ZNF462: variants seen among roughly 807,000 people sequenced by gnomAD.
ZNF462 encodes the protein zinc finger protein 462.
ZNF462 carries 10 observed loss-of-function variants against 201.9 expected under a neutral mutation model. The ratio of observed to expected loss-of-function variants is 0.05; its 90% confidence interval spans 0.03 to 0.08. The LOEUF (loss-of-function observed/expected upper bound fraction) is 0.08, where lower values mean the gene tolerates loss of function less well. Among genes scored for constraint, ZNF462 ranks in the 10% least tolerant of loss-of-function variants. ZNF462 has a pLI of 1.00. For missense variants in ZNF462, 2,523 were observed against 3,168.3 expected (o/e 0.80, Z 4.89); for synonymous variants, 1,227 against 1,193.3 (o/e 1.03, Z -0.58).
chr9:106,932,139 A>C lies in ZNF462; in HGVS notation c.6013-307A>C. 6.4e-6 allele frequency: 9 copies of C among 1,414,916 alleles called. No individual in the cohort carries two copies. The highest frequency in any genetic ancestry group is 7.5e-6 in the Non-Finnish European group (8 of 1,063,144). 87.6% of individuals were successfully genotyped at this position (1,414,916 alleles called of 1,614,324 possible). ...CTAGGGGTAGCTGGAGAGGCAGGGGAGGAAGCTTTGACAAGAAGTGCTGTT... is the reference window on the plus strand; with the variant it reads ...CTAGGGGTAGCTGGAGAGGCAGGGGCGGAAGCTTTGACAAGAAGTGCTGTT... On this transcript the variant is annotated intron_variant, in intron 4 of 12. Coordinates refer to ENST00000277225, the MANE Select transcript of ZNF462 (RefSeq NM_021224.6). The surrounding 1 kb of genome is among the most constrained non-coding windows in gnomAD (Gnocchi z 6.8).
rs2130819347 is a variant in ZNF462, at chr9:106,870,135, TAGAA to T, written c.-31+6781_-31+6784del. On this transcript the variant is annotated intron_variant, in intron 1 of 12. Coordinates refer to ENST00000277225, the MANE Select transcript of ZNF462 (RefSeq NM_021224.6). The surrounding 1 kb of genome is among the most constrained non-coding windows in gnomAD (Gnocchi z 4.3). ...CACAAAGTTAATTATTTTCACGGCT[TAGAA>T]GGACAAAGGATAGAGTGGTGTGGTG... Among the ~76,000 whole-genome samples the T allele has an allele frequency of 6.6e-6, 1 of 152,338 alleles. No homozygotes were observed. Among genetic ancestry groups the T allele is most frequent in the South Asian group, 2.1e-4 (1 of 4,830 alleles).
intron 7 of ZNF462, among the ~76,000 whole-genome samples, chr9:106,955,850 T>G (rs1358435960): frequency 2.6e-5 from 4 of 152,182 alleles, no homozygotes; most frequent in African/African-American, 9.6e-5. Flanking sequence ...GCAAGTTTTA[T>G]CATGAGATTT....
At chr9:106,991,690 G>C (rs1828280754) in intron 10 of ZNF462, among the ~76,000 whole-genome samples, 1 of 151,852 alleles carries the variant, frequency 6.6e-6, no homozygotes, top group Non-Finnish European at 1.5e-5. Context: ...AGAAGCAAAA[G>C]TCAAGAAATA....
chr9:106,925,800 C>G lies in ZNF462; in HGVS notation c.1888C>G (p.Pro630Ala), dbSNP rs763197297. Reference protein sequence around the residue: ...QHKHSFCDNLPKFEGQPSSLP... With the variant: ...QHKHSFCDNLAKFEGQPSSLP... ...TAAACATTCATTCTGTGACAACTTG[C>G]CAAAATTCGAGGGGCAGCCCTCAAG... Residue 630 changes from proline (P) to alanine (A), a missense_variant, in exon 3 of 13, where the codon CCA (proline) becomes GCA (alanine). By Grantham distance (27) the Pro-to-Ala change is conservative. This residue lies in a region of ZNF462 where 383 missense variants were observed against 453.4 expected (regional missense o/e 0.84). Coordinates refer to ENST00000277225, the MANE Select transcript of ZNF462 (RefSeq NM_021224.6). The surrounding 1 kb of genome is among the most constrained non-coding windows in gnomAD (Gnocchi z 7.9). 1.2e-6 allele frequency: 2 copies of G among 1,614,194 alleles called. No individual in the cohort carries two copies. Among genetic ancestry groups the G allele is most frequent in the East Asian group, 2.2e-5 (1 of 44,884 alleles).
chr9:106,938,361 A>G lies in ZNF462; in HGVS notation c.6236-555A>G, dbSNP rs1465147565. ...GAAATGGAGTTCTATGCTGAGGTTT[A>G]TGAACTGGTCCAAAAATATATATAT... On this transcript the variant is annotated intron_variant, in intron 6 of 12. Coordinates refer to ENST00000277225, the MANE Select transcript of ZNF462 (RefSeq NM_021224.6). This position sits in a 1 kb window ranked among gnomAD's most constrained non-coding sequence, Gnocchi z 4.4. Among the ~76,000 whole-genome samples, 2 of 152,178 alleles carry G rather than the reference A, an allele frequency of 1.3e-5. No homozygotes were observed. Among genetic ancestry groups the G allele is most frequent in the African/African-American group, 4.8e-5 (2 of 41,442 alleles).
intron 10 of ZNF462, among the ~76,000 whole-genome samples, chr9:106,996,884 A>G (rs1828774154): frequency 6.6e-6 from 1 of 152,154 alleles, no homozygotes; most frequent in African/African-American, 2.4e-5. Flanking sequence ...CACTGAGCCT[A>G]TAAAGCTAAG....
chr9:106,921,290 A>C (rs1311118256), intron 1 of ZNF462, among the ~76,000 whole-genome samples: 1 of 152,124 alleles, frequency 6.6e-6, no homozygotes, highest in Non-Finnish European at 1.5e-5. Flanking sequence ...GAATAAAAGA[A>C]CCTTTGGAGA....
intron 6 of ZNF462, among the ~76,000 whole-genome samples, chr9:106,936,545 A>G (rs958959798): frequency 6.6e-6 from 1 of 152,198 alleles, no homozygotes; most frequent in African/African-American, 2.4e-5. Context: ...CTCAAACTCC[A>G]CTAGGAGTAA....
At chr9:106,951,871 T>C (rs1161143833) in intron 7 of ZNF462, among the ~76,000 whole-genome samples, 1 of 148,470 alleles carries the variant, frequency 6.7e-6, no homozygotes, top group Non-Finnish European at 1.5e-5. Flanking sequence ...TTTTTTCCAG[T>C]GGAATTTTGG....
At chr9:106,864,039 G>GCGCTCTCT (rs1564062266) in intron 1 of ZNF462, among the ~76,000 whole-genome samples, 9 of 22,760 alleles carry the variant, frequency 4.0e-4, no homozygotes, top group South Asian at 1.6e-3. Context: ...CAGGTATTTG[G>GCGCTCTCT]CTCTCTCTCT....
rs1829826451 is a variant in ZNF462, at chr9:107,009,908, C to G, written c.7313+240C>G. Among the ~76,000 whole-genome samples, 1 of 152,200 alleles carries G rather than the reference C, an allele frequency of 6.6e-6. No homozygotes were observed. Among genetic ancestry groups the G allele is most frequent in the African/African-American group, 2.4e-5 (1 of 41,460 alleles). ...GTCTTTATGAATGATCAGTCCTGCT[C>G]AAGCCTGTGTGCAGAAGTATAGTGT... is the stretch of plus-strand genomic sequence containing the variant. On this transcript the variant is annotated intron_variant, in intron 12 of 12. Coordinates refer to ENST00000277225, the MANE Select transcript of ZNF462 (RefSeq NM_021224.6). This position sits in a 1 kb window ranked among gnomAD's most constrained non-coding sequence, Gnocchi z 6.1.
chr9:106,869,373 C>T (rs1001086339), intron 1 of ZNF462, among the ~76,000 whole-genome samples: 2 of 152,164 alleles, frequency 1.3e-5, no homozygotes, highest in Admixed American at 1.3e-4. Flanking sequence ...TGAAATCATC[C>T]TTAAGATGAC....
Position 107,011,160 on chromosome 9 carries a change from C to T in ZNF462, c.*130C>T, listed in dbSNP as rs1429882241. 3.7e-6 allele frequency: 3 copies of T among 809,038 alleles called. No individual in the cohort carries two copies. Among genetic ancestry groups the T allele is most frequent in the Non-Finnish European group, 3.8e-6 (2 of 519,682 alleles). 50.1% of individuals were successfully genotyped at this position (809,038 alleles called of 1,614,324 possible). A position where few individuals can be genotyped will look rare whatever the true frequency, so the allele number is the denominator to read the frequency against. Reference sequence around the variant, plus strand: ...AAGCTGCTTTTTAGGACTGAACAATCTATTTTCAAAGCACTGGTACCTGTG... The same window carrying T: ...AAGCTGCTTTTTAGGACTGAACAATTTATTTTCAAAGCACTGGTACCTGTG... On this transcript the variant is annotated 3_prime_UTR_variant, in exon 13 of 13. Transcript: ENST00000277225. This position sits in a 1 kb window ranked among gnomAD's most constrained non-coding sequence, Gnocchi z 5.6.
chr9:106,942,639 A>G (rs568198883), intron 7 of ZNF462, among the ~76,000 whole-genome samples: 15 of 152,212 alleles, frequency 9.9e-5, no homozygotes, highest in Non-Finnish European at 1.9e-4. Flanking sequence ...TTCTCCTGCC[A>G]TATACAACAC....
rs964679480 is a variant in ZNF462, at chr9:107,009,042, G to A, written c.7190-503G>A. On this transcript the variant is annotated intron_variant, in intron 11 of 12. Transcript: ENST00000277225. This position sits in a 1 kb window ranked among gnomAD's most constrained non-coding sequence, Gnocchi z 6.1. The stretch of plus-strand genomic sequence containing the variant: ...TATGATGGATGACCACAAGTCATGA[G>A]CCTTCAGCCTTACTTGGAACAAGTA... The A allele has an allele frequency of 3.2e-5, 5 of 155,100 alleles. No individual in the cohort carries two copies. The highest frequency in any genetic ancestry group is 4.8e-5 in the African/African-American group (2 of 41,478). The allele number at this position is 155,100 out of a possible 1,614,324, so 9.6% of individuals were successfully genotyped here. A position where few individuals can be genotyped will look rare whatever the true frequency, so the allele number is the denominator to read the frequency against.
At position 106,928,695 on chromosome 9, in the gene ZNF462, C is replaced by A; in HGVS notation, c.4783C>A (p.His1595Asn). Residue 1595 changes from histidine (H) to asparagine (N), a missense_variant, in exon 3 of 13, where the codon CAC becomes AAC. Around this residue, in one of 15 missense-constraint regions of ZNF462, gnomAD observed 200 missense variants for 281.3 expected, o/e 0.71. Coordinates refer to ENST00000277225, the MANE Select transcript of ZNF462 (RefSeq NM_021224.6). This position sits in a 1 kb window ranked among gnomAD's most constrained non-coding sequence, Gnocchi z 9.3. Reference protein sequence around the residue: ...THGTLEKLKIHYEKYHNQPEF... With the variant: ...THGTLEKLKINYEKYHNQPEF... The stretch of plus-strand genomic sequence containing the variant: ...CGGCACTTTGGAGAAACTAAAAATC[C>A]ACTACGAGAAGTATCACAATCAGCC... 6.2e-7 allele frequency: 1 copy of A among 1,614,158 alleles called. No homozygotes were observed. Among genetic ancestry groups the A allele is most frequent in the Non-Finnish European group, 8.5e-7 (1 of 1,180,028 alleles).
chr9:106,965,467 G>A (rs1193476761), intron 7 of ZNF462, among the ~76,000 whole-genome samples: 1 of 152,080 alleles, frequency 6.6e-6, no homozygotes, highest in East Asian at 1.9e-4. Flanking sequence ...TGAACAAGGG[G>A]TAGGGAAGGC....
chr9:106,986,953 T>C (rs1422738091), intron 10 of ZNF462, among the ~76,000 whole-genome samples: 1 of 151,790 alleles, frequency 6.6e-6, no homozygotes, highest in African/African-American at 2.4e-5. Context: ...TACATTCCTT[T>C]TTATGGCTGA....
In ZNF462 at chr9:106,934,382, G is replaced by T. The variant is rs144772645; in HGVS notation, c.6117-1121G>T. ...TAGCTAGTTCAAGAAGTTAGGGAAT[G>T]ATTGAAGGAATGGATTTGCCTGACT... On this transcript the variant is annotated intron_variant, in intron 5 of 12. Coordinates refer to ENST00000277225, the MANE Select transcript of ZNF462 (RefSeq NM_021224.6). Among the ~76,000 whole-genome samples the T allele has an allele frequency of 3.3e-3, 498 of 152,184 alleles. 6 individuals carry two copies. The highest frequency in any genetic ancestry group is 0.012 in the African/African-American group (485 of 41,522).
Sources: gnomAD v4.1 joint callset for allele counts (sites outside exome capture counted in the v4.1 genomes callset) on GRCh38, gnomAD v4.1.1 for gene constraint, gnomAD v4.1.1 regional missense constraint, Gnocchi (gnomAD v3.1) non-coding constraint, MANE v1.5 for transcripts, NCBI Gene and HGNC (gene_info 2026-07-23, HGNC 2026-07-21) for gene names.